The following ANKMY1 variants were observed in gnomAD, a reference collection of about 807,000 sequenced individuals.
The protein encoded by ANKMY1 is ankyrin repeat and MYND domain-containing protein 1.
Under a neutral mutation model 102.0 loss-of-function variants are expected in ANKMY1, and 98 were observed. The ratio of observed to expected loss-of-function variants is 0.96; its 90% CI spans 0.82 to 1.14. The LOEUF (loss-of-function observed/expected upper bound fraction) is 1.14, where lower values mean the gene tolerates loss of function less well. Among genes scored for constraint, ANKMY1 ranks in the 50% most tolerant of loss-of-function variants. The pLI is 0.00. For synonymous variants in ANKMY1, 582 were observed against 559.9 expected, an observed-to-expected ratio of 1.04 and a Z score of -0.56; for missense variants, 1,330 against 1,347.6, an observed-to-expected ratio of 0.99 and a Z score of 0.20.
At chr2:240,498,914 G>A (rs1013843649) in intron 15 of ANKMY1, among the ~76,000 whole-genome samples, 78 of 152,276 alleles carry the variant, frequency 5.1e-4, no homozygotes, top group African/African-American at 1.6e-3. Context: ...CACTGGGAGT[G>A]GAAGCTCCCT....
intron 8 of ANKMY1, chr2:240,523,341 A>G (rs1246476595): frequency 6.3e-6 from 1 of 158,256 alleles, no homozygotes; most frequent in Non-Finnish European, 1.4e-5. Context: ...CTGTCTTCAT[A>G]CCATCCACCA....
chr2:240,505,431 C>T (rs372822206), intron 13 of ANKMY1, among the ~76,000 whole-genome samples: 5 of 151,496 alleles, frequency 3.3e-5, no homozygotes, highest in African/African-American at 1.2e-4. Flanking sequence ...CTCTGCACTC[C>T]AGCCTGGGTA....
chr2:240,497,188 G>GCCACCT (rs1274804030), intron 15 of ANKMY1, among the ~76,000 whole-genome samples: 1 of 151,598 alleles, frequency 6.6e-6, no homozygotes, highest in African/African-American at 2.4e-5. Context: ...GAATGGAGCC[G>GCCACCT]CCACCTCCTC....
chr2:240,559,137 G>A (rs1370949187), upstream of ANKMY1, among the ~76,000 whole-genome samples: 1 of 152,158 alleles, frequency 6.6e-6, no homozygotes, highest in Non-Finnish European at 1.5e-5. Flanking sequence ...CAGACTAAGT[G>A]TGGCAATGAG....
intron 15 of ANKMY1, among the ~76,000 whole-genome samples, chr2:240,493,076 C>T (rs1453133559): frequency 6.6e-6 from 1 of 152,104 alleles, no homozygotes. Flanking sequence ...GTAATCCCAA[C>T]ACTTTGGGAG....
rs150485586 is a variant in ANKMY1 at position 240,521,008 on chromosome 2, C to G, written c.1833-475G>C. 5.9e-5 allele frequency among the ~76,000 whole-genome samples: 9 copies of G among 152,210 alleles called. No homozygotes were observed. The East Asian group carries it at 1.7e-3, about 29-fold the overall frequency. The stretch of plus-strand genomic sequence containing the variant: ...ACACAAACACACAGGCGCACACACA[C>G]CTCTGAGGGGTCACTGAAAGGCTGG... On this transcript the variant is annotated intron_variant, in intron 8 of 17. Coordinates refer to ENST00000401804, the MANE Select transcript of ANKMY1 (RefSeq NM_001282771.3).
chr2:240,507,487 C>A lies in ANKMY1; in HGVS notation c.2526+73G>T, dbSNP rs2079294977. ...GCTCATCAGGGCCACCCAGCCCTCA[C>A]ACCCCTCACTCAGGGCCACCCCACC... On this transcript the variant is annotated intron_variant, in intron 13 of 17. Coordinates refer to ENST00000401804, the MANE Select transcript of ANKMY1 (RefSeq NM_001282771.3). The A allele has an allele frequency of 7.3e-6, 11 of 1,507,250 alleles. No homozygotes were observed. In the South Asian group the frequency reaches 1.5e-4, roughly 20 times the overall value. The allele number at this position is 1,507,250 out of a possible 1,614,324, so 93.4% of individuals were successfully genotyped here.
intron 13 of ANKMY1, among the ~76,000 whole-genome samples, chr2:240,505,404 A>G (rs1183121872): frequency 6.6e-6 from 1 of 151,480 alleles, no homozygotes; most frequent in African/African-American, 2.4e-5. Context: ...GGAGGTTGCA[A>G]TGAGCTGAGA....
chr2:240,541,692 C>T (rs1003027031), intron 4 of ANKMY1, among the ~76,000 whole-genome samples: 4 of 151,772 alleles, frequency 2.6e-5, no homozygotes, highest in South Asian at 4.2e-4. Flanking sequence ...TTAGTAGAGA[C>T]GGGGTTTCAC....
In ANKMY1 at chr2:240,548,324, T is replaced by A. The variant is rs1429440120; in HGVS notation, c.480+4590A>T. Among the ~76,000 whole-genome samples, 3 of 152,152 alleles carry A rather than the reference T, an allele frequency of 2.0e-5. No individual in the cohort carries two copies. In the East Asian group the frequency reaches 5.8e-4, roughly 29 times the overall value. The stretch of plus-strand genomic sequence containing the variant: ...GACAAAATTCAACAACACTTCACGC[T>A]AAAAACTCTCAATAAATTAGGTATT... On this transcript the variant is annotated intron_variant, in intron 4 of 17. Transcript: ENST00000401804.
chr2:240,552,801 G>A, intron 4 of ANKMY1, 113 bp downstream of exon 4: 1 of 1,518,604 alleles, frequency 6.6e-7, no homozygotes, highest in South Asian at 1.1e-5. Context: ...AAGTAAAAAA[G>A]CTACTTGTAG....
At chr2:240,542,150 G>A (rs995778580) in intron 4 of ANKMY1, among the ~76,000 whole-genome samples, 16 of 148,990 alleles carry the variant, frequency 1.1e-4, no homozygotes, top group Admixed American at 6.7e-4. Context: ...AGAGGCTGCA[G>A]TGAGCCAAGA....
chr2:240,520,284 G>A lies in ANKMY1; in HGVS notation c.2004+78C>T, dbSNP rs1035993360. On this transcript the variant is annotated intron_variant, in intron 9 of 17. Transcript: ENST00000401804. The surrounding 1 kb of genome is among the most constrained non-coding windows in gnomAD (Gnocchi z 4.8). ...AGCCCACCCCTCTCTTCCGCGCCTA[G>A]GTGGAGCGAGGAGCTTCCCGGCCAG... The A allele has an allele frequency of 6.1e-6, 9 of 1,487,342 alleles. No homozygotes were observed. The highest frequency in any genetic ancestry group is 2.8e-5 in the African/African-American group (2 of 71,250). 92.1% of individuals were successfully genotyped at this position (1,487,342 alleles called of 1,614,324 possible).
intron 15 of ANKMY1, among the ~76,000 whole-genome samples, chr2:240,487,473 G>A (rs918859277): frequency 6.6e-6 from 1 of 152,118 alleles, no homozygotes; most frequent in Non-Finnish European, 1.5e-5. Context: ...TTGATATACT[G>A]ATTTTTTCCC....
At chr2:240,479,278 C>A, downstream of ANKMY1, 1 of 376,640 alleles carries the variant, frequency 2.7e-6, no homozygotes, top group Non-Finnish European at 4.8e-6. Flanking sequence ...GCTCCGAGTC[C>A]TGACCCTCAC....
chr2:240,480,674 G>A (rs1360344662), intron 17 of ANKMY1, among the ~76,000 whole-genome samples: 3 of 152,290 alleles, frequency 2.0e-5, no homozygotes, highest in Non-Finnish European at 4.4e-5. Flanking sequence ...AGGGGTCCAT[G>A]TTCCAGCTCT....
intron 13 of ANKMY1, among the ~76,000 whole-genome samples, chr2:240,503,135 G>A (rs369873186): frequency 1.3e-5 from 2 of 152,294 alleles, no homozygotes; most frequent in East Asian, 3.9e-4. Context: ...GGACCTTTCC[G>A]GTAAGAGGAA....
At chr2:240,550,883 T>A (rs1156345081) in intron 4 of ANKMY1, among the ~76,000 whole-genome samples, 1 of 152,228 alleles carries the variant, frequency 6.6e-6, no homozygotes, top group African/African-American at 2.4e-5. Context: ...ACTTTTGTCA[T>A]CCACAATTGT....
chr2:240,476,450 G>A (rs529886931), downstream of ANKMY1, among the ~76,000 whole-genome samples: 29 of 152,290 alleles, frequency 1.9e-4, no homozygotes, highest in Admixed American at 1.1e-3. Context: ...AAGTCCCAAC[G>A]AGACATTTTA....
Sources: gnomAD v4.1 joint callset for allele counts (sites outside exome capture counted in the v4.1 genomes callset) on GRCh38, gnomAD v4.1.1 for gene constraint, Gnocchi (gnomAD v3.1) non-coding constraint, MANE v1.5 for transcripts, NCBI Gene and HGNC (gene_info 2026-07-23, HGNC 2026-07-21) for gene names.